Variants in CSGALNACT1 observed in about 807,000 individuals in gnomAD.
The protein encoded by CSGALNACT1 is chondroitin sulfate N-acetylgalactosaminyltransferase 1.
A neutral mutation model predicts 51.0 loss-of-function variants in CSGALNACT1; 52 were observed. The observed-to-expected ratio is 1.02, with a 90% CI of 0.82 to 1.29. The LOEUF is 1.29. Ranked by LOEUF, CSGALNACT1 falls within the 50% of genes most tolerant of loss-of-function variation. The pLI, the probability that CSGALNACT1 is intolerant of heterozygous loss-of-function variation, is 0.00. For synonymous variants in CSGALNACT1, 341 were observed against 254.4 expected (o/e 1.34, Z -3.24); for missense variants, 935 against 679.2 (o/e 1.38, Z -4.19).
intron 1 of CSGALNACT1, among the ~76,000 whole-genome samples, chr8:19,747,077 G>T (rs2064718696): frequency 6.6e-6 from 1 of 152,128 alleles, no homozygotes. Context: ...TTTTACAAGG[G>T]TCCCACATTC....
intron 3 of CSGALNACT1, among the ~76,000 whole-genome samples, chr8:19,579,595 A>C (rs755143468): frequency 3.3e-5 from 5 of 152,230 alleles, no homozygotes; most frequent in Non-Finnish European, 5.9e-5. Flanking sequence ...TCTCTACCAT[A>C]CTATAAGATC....
intron 4 of CSGALNACT1, among the ~76,000 whole-genome samples, chr8:19,489,254 A>G (rs73212569): frequency 0.16 from 24,368 of 152,176 alleles, 2,148 homozygotes; most frequent in Non-Finnish European, 0.2. Flanking sequence ...ACAGAGTAAA[A>G]TCAAAATACA....
chr8:19,608,857 A>C lies in CSGALNACT1; in HGVS notation c.-543-6992T>G, dbSNP rs144528419. Among the ~76,000 whole-genome samples the C allele has an allele frequency of 2.1e-3, 316 of 152,334 alleles. 1 individual carries two copies. The highest frequency in any genetic ancestry group is 7.2e-3 in the African/African-American group (299 of 41,580). On this transcript the variant is annotated intron_variant, in intron 1 of 9. Transcript: ENST00000332246. ...ACAGGCATTTTGAATGGTAATTTTT[A>C]TCTTCTTCCTTCCCAGATGCAGGAA...
intron 2 of CSGALNACT1, among the ~76,000 whole-genome samples, chr8:19,594,793 C>G (rs990002650): frequency 2.6e-5 from 4 of 151,956 alleles, no homozygotes; most frequent in African/African-American, 7.3e-5. Context: ...CTCAGGTGAT[C>G]CACCCACCTT....
At chr8:19,541,698 G>T (rs1250105067) in intron 3 of CSGALNACT1, among the ~76,000 whole-genome samples, 1 of 151,304 alleles carries the variant, frequency 6.6e-6, no homozygotes, top group African/African-American at 2.4e-5. Flanking sequence ...ACTGCACCTG[G>T]CCTGGCTGAT....
rs145117919 is a variant in CSGALNACT1 at position 19,715,375 on chromosome 8, T to C, written c.-297+42475A>G. Reference sequence around the variant, plus strand: ...GCTCCCACTTATAAGTGAGAACATATGGGATTTGCTATTCTGTTCCTGTGT... The same window carrying C: ...GCTCCCACTTATAAGTGAGAACATACGGGATTTGCTATTCTGTTCCTGTGT... On this transcript the variant is annotated intron_variant, in intron 1 of 1. Coordinates refer to the CSGALNACT1 transcript ENST00000517494. 3.4e-3 allele frequency among the ~76,000 whole-genome samples: 517 copies of C among 152,338 alleles called. 4 individuals carry two copies. Among genetic ancestry groups the C allele is most frequent in the African/African-American group, 0.012 (500 of 41,578 alleles).
intron 6 of CSGALNACT1, among the ~76,000 whole-genome samples, chr8:19,435,057 G>A (rs1313201903): frequency 6.6e-6 from 1 of 152,096 alleles, no homozygotes; most frequent in Admixed American, 6.5e-5. Context: ...GCAGGGCAGT[G>A]TCTCATTTCT....
intron 3 of CSGALNACT1, among the ~76,000 whole-genome samples, chr8:19,588,683 C>T (rs889150085): frequency 1.3e-5 from 2 of 152,122 alleles, no homozygotes; most frequent in Non-Finnish European, 2.9e-5. Context: ...AAATAAATAT[C>T]AAGTTAATTG....
intron 1 of CSGALNACT1, among the ~76,000 whole-genome samples, chr8:19,699,076 T>G (rs1469972330): frequency 6.6e-6 from 1 of 152,210 alleles, no homozygotes; most frequent in Non-Finnish European, 1.5e-5. Flanking sequence ...TGAGATGAGG[T>G]CTCACTATGT....
chr8:19,546,197 T>G (rs1490964634), intron 3 of CSGALNACT1, among the ~76,000 whole-genome samples: 5 of 152,184 alleles, frequency 3.3e-5, no homozygotes, highest in African/African-American at 4.8e-5. Context: ...TTGCCCAATT[T>G]CCATATTCAC....
chr8:19,650,898 G>T (rs1001452583), intron 1 of CSGALNACT1, among the ~76,000 whole-genome samples: 11 of 152,086 alleles, frequency 7.2e-5, no homozygotes, highest in African/African-American at 2.2e-4. Flanking sequence ...AGTTGCTCCC[G>T]TGTCCTTAGC....
At chr8:19,702,260 C>T (rs376603319) in intron 1 of CSGALNACT1, among the ~76,000 whole-genome samples, 1 of 152,148 alleles carries the variant, frequency 6.6e-6, no homozygotes, top group Non-Finnish European at 1.5e-5. Flanking sequence ...TGCAATGGCT[C>T]ACACCTGTAA....
chr8:19,588,055 G>C (rs1379630900), intron 3 of CSGALNACT1: 1 of 152,058 alleles, frequency 6.6e-6, no homozygotes, highest in Non-Finnish European at 1.5e-5. Context: ...GCTGGGCAAG[G>C]TGATGCATGC....
intron 1 of CSGALNACT1, among the ~76,000 whole-genome samples, chr8:19,649,462 GGAA>G (rs1314170809): frequency 2.0e-5 from 3 of 152,000 alleles, no homozygotes; most frequent in African/African-American, 4.8e-5. Flanking sequence ...GAATTAATTA[GGAA>G]GAAGGACAAC....
chr8:19,496,498 T>C lies in CSGALNACT1; in HGVS notation c.634+8703A>G, dbSNP rs541895609. Among the ~76,000 whole-genome samples the C allele has an allele frequency of 7.2e-5, 11 of 152,184 alleles. No homozygotes were observed. The South Asian group carries it at 1.7e-3, about 23-fold the overall frequency. ...CAGTGTAAGTAGACAAACTAATCAA[T>C]AGGTTTTAAAGTATGATTTTATAAA... On this transcript the variant is annotated intron_variant, in intron 4 of 9. Coordinates refer to ENST00000454498, the Ensembl canonical transcript of CSGALNACT1.
intron 2 of CSGALNACT1, among the ~76,000 whole-genome samples, chr8:19,600,485 A>G (rs1273439421): frequency 1.3e-5 from 2 of 152,152 alleles, no homozygotes; most frequent in South Asian, 2.1e-4. Flanking sequence ...TCTCTTTTGT[A>G]TCATCCAAGT....
chr8:19,446,437 C>T (rs554997946), intron 5 of CSGALNACT1, among the ~76,000 whole-genome samples: 5 of 152,088 alleles, frequency 3.3e-5, no homozygotes, highest in Admixed American at 6.5e-5. Flanking sequence ...CCATAGTCTC[C>T]GTGCACGAGC....
At chr8:19,519,515 T>G (rs1265625377) in intron 3 of CSGALNACT1, among the ~76,000 whole-genome samples, 2 of 152,008 alleles carry the variant, frequency 1.3e-5, no homozygotes, top group Non-Finnish European at 2.9e-5. Context: ...GCAGCCAAGT[T>G]AAGAAAACAC....
At chr8:19,746,887 G>A (rs560509010) in intron 1 of CSGALNACT1, among the ~76,000 whole-genome samples, 145 of 152,298 alleles carry the variant, frequency 9.5e-4, no homozygotes, top group African/African-American at 3.2e-3. Flanking sequence ...GAGCAAGGGC[G>A]ATACTTGGTG....
Sources: allele counts gnomAD v4.1 joint callset (sites outside exome capture counted in the v4.1 genomes callset), GRCh38; gene constraint gnomAD v4.1.1; transcripts MANE v1.5; gene names NCBI Gene and HGNC (gene_info 2026-07-23, HGNC 2026-07-21).